Variants in OSTF1 observed in about 807,000 individuals in gnomAD.
OSTF1 encodes the protein osteoclast stimulating factor 1.
Under a neutral mutation model 37.2 loss-of-function variants are expected in OSTF1, and 27 were observed. The observed-to-expected ratio is 0.73, with a 90% CI of 0.54 to 1.00. The LOEUF is 1.00. OSTF1 is among the 50% of genes least tolerant of loss of function. The pLI is 0.00. For synonymous variants in OSTF1, 82 were observed against 89.2 expected (o/e 0.92, Z 0.46); for missense variants, 232 against 253.8 (o/e 0.91, Z 0.58).
intron 8 of OSTF1, among the ~76,000 whole-genome samples, 178 bp from the exon 9 acceptor site, chr9:75,140,656 G>A (rs868534387): frequency 2.0e-5 from 3 of 152,188 alleles, no homozygotes; most frequent in African/African-American, 7.2e-5. Flanking sequence ...CAAGCTTCCC[G>A]ATTAAAGATG....
Position 75,098,201 on chromosome 9 carries a change from A to G in OSTF1, c.34+9475A>G, listed in dbSNP as rs181943762. Reference sequence around the variant, plus strand: ...CTCCTAGACTCCTGGGCCATTTTCAATGATCCACTTCCCAACTCCCAGCTA... The same window carrying G: ...CTCCTAGACTCCTGGGCCATTTTCAGTGATCCACTTCCCAACTCCCAGCTA... On this transcript the variant is annotated intron_variant, in intron 1 of 9. Transcript: ENST00000346234. Among the ~76,000 whole-genome samples, 174 of 152,264 alleles carry G rather than the reference A, an allele frequency of 1.1e-3. 1 individual carries two copies. Among genetic ancestry groups the G allele is most frequent in the African/African-American group, 1.2e-3 (48 of 41,552 alleles).
At chr9:75,090,089 G>A (rs1564150473) in intron 1 of OSTF1, among the ~76,000 whole-genome samples, 2 of 152,082 alleles carry the variant, frequency 1.3e-5, no homozygotes, top group Non-Finnish European at 2.9e-5. Context: ...ATATGTATGA[G>A]GTAGCTTTCT....
At chr9:75,136,680 C>T (rs930634868) in intron 7 of OSTF1, among the ~76,000 whole-genome samples, 1 of 152,246 alleles carries the variant, frequency 6.6e-6, no homozygotes, top group African/African-American at 2.4e-5. Flanking sequence ...GTGTGAGCCA[C>T]CATGCCTGGC....
intron 1 of OSTF1, among the ~76,000 whole-genome samples, chr9:75,098,131 C>G (rs1825121233): frequency 6.6e-6 from 1 of 152,304 alleles, no homozygotes; most frequent in East Asian, 1.9e-4. Context: ...ACTGGCCTCT[C>G]AAATAATTTC....
At chr9:75,146,362 C>G (rs62569066) in intron 9 of OSTF1, among the ~76,000 whole-genome samples, 6,267 of 152,328 alleles carry the variant, frequency 0.041, 138 homozygotes, top group Middle Eastern at 0.065. Context: ...GTTGGAAGCT[C>G]AGTTGTCAGA....
chr9:75,138,652 G>A (rs925400765), intron 8 of OSTF1, among the ~76,000 whole-genome samples: 1 of 152,128 alleles, frequency 6.6e-6, no homozygotes, highest in African/African-American at 2.4e-5. Flanking sequence ...TTCACATTTT[G>A]CAAATGTGGC....
At chr9:75,110,903 A>T (rs1470568832) in intron 1 of OSTF1, among the ~76,000 whole-genome samples, 2 of 151,888 alleles carry the variant, frequency 1.3e-5, no homozygotes, top group African/African-American at 2.4e-5. Flanking sequence ...TTTTTTTTGT[A>T]GAGCTGGGGT....
intron 1 of OSTF1, among the ~76,000 whole-genome samples, chr9:75,098,554 A>G (rs983473213): frequency 6.6e-6 from 1 of 152,198 alleles, no homozygotes; most frequent in African/African-American, 2.4e-5. Context: ...TTGAATGGCC[A>G]TCGAGATACT....
intron 8 of OSTF1, among the ~76,000 whole-genome samples, chr9:75,139,285 C>T (rs1431388935): frequency 6.6e-6 from 1 of 151,986 alleles, no homozygotes; most frequent in African/African-American, 2.4e-5. Context: ...CCGCCTGCCT[C>T]AGCCTCCCAA....
intron 1 of OSTF1, among the ~76,000 whole-genome samples, chr9:75,104,725 G>A (rs1825254664): frequency 6.6e-6 from 1 of 152,114 alleles, no homozygotes; most frequent in African/African-American, 2.4e-5. Context: ...ACATTTATGG[G>A]CACGTACAAC....
chr9:75,113,691 A>C (rs1270114749), intron 1 of OSTF1, among the ~76,000 whole-genome samples: 3 of 152,142 alleles, frequency 2.0e-5, no homozygotes, highest in African/African-American at 7.2e-5. Flanking sequence ...ATGGACAAGT[A>C]AAAATTGTAT....
intron 5 of OSTF1, among the ~76,000 whole-genome samples, chr9:75,132,982 C>G (rs1050672191): frequency 5.3e-5 from 1 of 18,842 alleles, no homozygotes; most frequent in Non-Finnish European, 1.4e-4. Context: ...TACACACACA[C>G]ACACACACAC....
At chr9:75,128,552 CATAT>C (rs58960713) in intron 3 of OSTF1, among the ~76,000 whole-genome samples, 12 of 2,868 alleles carry the variant, frequency 4.2e-3, no homozygotes, top group East Asian at 0.026. Context: ...ATATTTTGTC[CATAT>C]ATATATATAT....
chr9:75,117,802 T>A (rs1477365876), intron 2 of OSTF1, among the ~76,000 whole-genome samples: 1 of 152,232 alleles, frequency 6.6e-6, no homozygotes, highest in Admixed American at 6.5e-5. Flanking sequence ...AATTGACAAG[T>A]GACTTGCATA....
chr9:75,119,395 A>G (rs1825542371), intron 2 of OSTF1, among the ~76,000 whole-genome samples: 2 of 152,238 alleles, frequency 1.3e-5, no homozygotes, highest in African/African-American at 2.4e-5. Flanking sequence ...TCTTCTCACC[A>G]AGAGATTCCA....
Position 75,146,792 on chromosome 9 carries a change from A to G in OSTF1, c.*51A>G. ...AAACTTCTGTTGCTTTTGCCATTCC[A>G]AAACTTTGTCTTTGCCAGAAAAGTG... On this transcript the variant is annotated 3_prime_UTR_variant, in exon 10 of 10. Coordinates refer to ENST00000346234, the MANE Select transcript of OSTF1 (RefSeq NM_012383.5). The G allele has an allele frequency of 7.3e-7, 1 of 1,374,016 alleles. No homozygotes were observed. 85.1% of individuals were successfully genotyped at this position (1,374,016 alleles called of 1,614,324 possible). A position where few individuals can be genotyped will look rare whatever the true frequency, so the allele number is the denominator to read the frequency against.
At chr9:75,100,468 G>T (rs939621155) in intron 1 of OSTF1, among the ~76,000 whole-genome samples, 8 of 151,994 alleles carry the variant, frequency 5.3e-5, no homozygotes, top group African/African-American at 1.9e-4. Context: ...GGTGGCTCAC[G>T]CCTGTAATCC....
chr9:75,090,955 C>T (rs1345962887), intron 1 of OSTF1, among the ~76,000 whole-genome samples: 1 of 152,144 alleles, frequency 6.6e-6, no homozygotes, highest in Non-Finnish European at 1.5e-5. Flanking sequence ...TTATATTGTT[C>T]CTGTTGCACA....
chr9:75,100,827 G>A (rs1825179142), intron 1 of OSTF1, among the ~76,000 whole-genome samples: 2 of 152,068 alleles, frequency 1.3e-5, no homozygotes, highest in African/African-American at 2.4e-5. Flanking sequence ...GACCGTGGAA[G>A]TATTGTCACA....
Sources: gnomAD v4.1 joint callset for allele counts (sites outside exome capture counted in the v4.1 genomes callset) on GRCh38, gnomAD v4.1.1 for gene constraint, MANE v1.5 for transcripts, NCBI Gene and HGNC (gene_info 2026-07-23, HGNC 2026-07-21) for gene names.